Variants in WSB2 observed in about 807,000 individuals in gnomAD.
WSB2 encodes the protein WD repeat and SOCS box-containing protein 2.
Under a neutral mutation model 48.8 loss-of-function variants are expected in WSB2, and 12 were observed. That is an observed-to-expected ratio of 0.25 (90% CI 0.16 to 0.40). The LOEUF (loss-of-function observed/expected upper bound fraction) is 0.40, where lower values mean the gene tolerates loss of function less well. Ranked by LOEUF, WSB2 falls within the 10% of genes least tolerant of loss-of-function variation. WSB2 has a pLI of 1.00. For synonymous variants in WSB2, 191 were observed against 203.1 expected (o/e 0.94, Z 0.51); for missense variants, 317 against 506.2 (o/e 0.63, Z 3.59).
intron 7 of WSB2, 45 bp downstream of exon 7, chr12:118,035,169 C>A: frequency 6.2e-7 from 1 of 1,612,808 alleles, no homozygotes; most frequent in Non-Finnish European, 8.5e-7. Context: ...CCATTACTTG[C>A]AAGCACTTGT....
chr12:118,033,883 A>T lies in WSB2; in HGVS notation c.*313T>A, dbSNP rs1262446913. 1 of 331,278 alleles carries T rather than the reference A, an allele frequency of 3.0e-6. No homozygotes were observed. The highest frequency in any genetic ancestry group is 2.1e-5 in the African/African-American group (1 of 47,170). 20.5% of individuals were successfully genotyped at this position (331,278 alleles called of 1,614,324 possible). ...CCTACTTAGTTGCATAATCAAAACA[A>T]CATCAGTAACTGCACTTTGAATCAA... is the stretch of plus-strand genomic sequence containing the variant. On this transcript the variant is annotated 3_prime_UTR_variant, in exon 9 of 9. Coordinates refer to ENST00000315436, the MANE Select transcript of WSB2 (RefSeq NM_018639.5).
At chr12:118,046,325 T>C (rs939838030) in intron 2 of WSB2, among the ~76,000 whole-genome samples, 1 of 151,838 alleles carries the variant, frequency 6.6e-6, no homozygotes, top group African/African-American at 2.4e-5. Flanking sequence ...TAGCCAGGCC[T>C]GGTGGGGGGT....
rs2032052452 is a variant in WSB2, at chr12:118,060,970, C to T, written c.13+66G>A. The T allele has an allele frequency of 2.4e-6, 2 of 833,798 alleles. No homozygotes were observed. The highest frequency in any genetic ancestry group is 5.2e-5 in the South Asian group (1 of 19,056). The allele number at this position is 833,798 out of a possible 1,614,324, so 51.6% of individuals were successfully genotyped here. On this transcript the variant is annotated intron_variant, in intron 1 of 8. Transcript: ENST00000315436. The surrounding 1 kb of genome is among the most constrained non-coding windows in gnomAD (Gnocchi z 4.1). ...CCCAGCCCGCCCCGGGGTCGCCTCC[C>T]CCCTCCCCGGGGAGAACGGGCCAGG... is the stretch of plus-strand genomic sequence containing the variant.
chr12:118,052,725 G>A (rs1566142196), intron 1 of WSB2: 2 of 554,074 alleles, frequency 3.6e-6, no homozygotes, highest in Admixed American at 3.1e-5. Context: ...TGAACCCAGT[G>A]AATGGAGGCC....
intron 4 of WSB2, among the ~76,000 whole-genome samples, chr12:118,039,170 A>G (rs1394681861): frequency 6.6e-6 from 1 of 152,200 alleles, no homozygotes; most frequent in African/African-American, 2.4e-5. Context: ...CCAGATGAGC[A>G]GTGGTGTGGA....
At chr12:118,047,943 T>A (rs1459398113) in intron 2 of WSB2, among the ~76,000 whole-genome samples, 1 of 152,156 alleles carries the variant, frequency 6.6e-6, no homozygotes, top group East Asian at 1.9e-4. Context: ...TTTTGTTTTT[T>A]TAAGAGACAG....
rs1463175759 is a variant in WSB2, at chr12:118,035,418, T to C, written c.834-94A>G. The C allele has an allele frequency of 1.9e-5, 21 of 1,082,036 alleles. No individual in the cohort carries two copies. The Admixed American group carries it at 3.1e-4, about 16-fold the overall frequency. The allele number at this position is 1,082,036 out of a possible 1,614,324, so 67.0% of individuals were successfully genotyped here. ...AGGCAGGAAGCCAAACTGCCCTGGC[T>C]ACAAAAGGGCTCAAGATGCATTGTG... On this transcript the variant is annotated intron_variant, in intron 6 of 8. Coordinates refer to ENST00000315436, the MANE Select transcript of WSB2 (RefSeq NM_018639.5).
chr12:118,035,291 A>T lies in WSB2; in HGVS notation c.867T>A (p.Ser289Arg). 1 of 1,614,214 alleles carries T rather than the reference A, an allele frequency of 6.2e-7. No individual in the cohort carries two copies. Among genetic ancestry groups the T allele is most frequent in the Non-Finnish European group, 8.5e-7 (1 of 1,180,038 alleles). ...HTQVDPAMDD[S>R]DVHISSLRSV... The stretch of plus-strand genomic sequence containing the variant: ...ATCTCAGTGAGCTAATGTGGACGTC[A>T]CTGTCATCCATGGCGGGGTCAACCT... Residue 289 changes from serine (S) to arginine (R), a missense_variant, in exon 7 of 9, where the codon AGT (serine) becomes AGA (arginine). Ser to Arg is a moderately radical substitution (Grantham distance 110, BLOSUM62 -1). This residue lies in a region of WSB2 where 189 missense variants were observed against 349.6 expected (regional missense o/e 0.54). Transcript: ENST00000315436.
chr12:118,051,697 T>C (rs189191718), intron 2 of WSB2, among the ~76,000 whole-genome samples: 3 of 152,328 alleles, frequency 2.0e-5, no homozygotes, highest in Admixed American at 6.5e-5. Context: ...CCAGGCACAG[T>C]GGCTCATGGG....
At chr12:118,050,164 G>A (rs1035082692) in intron 2 of WSB2, among the ~76,000 whole-genome samples, 3 of 151,438 alleles carry the variant, frequency 2.0e-5, no homozygotes, top group Non-Finnish European at 2.9e-5. Flanking sequence ...CAGCCCGGGC[G>A]ACAGAGCGAG....
chr12:118,041,581 T>C (rs1007859249), intron 4 of WSB2, among the ~76,000 whole-genome samples: 1 of 151,930 alleles, frequency 6.6e-6, no homozygotes, highest in Non-Finnish European at 1.5e-5. Flanking sequence ...CTTCACACCA[T>C]GGGGACAAGT....
intron 2 of WSB2, among the ~76,000 whole-genome samples, chr12:118,046,180 G>A (rs968694248): frequency 3.9e-5 from 6 of 152,158 alleles, no homozygotes; most frequent in Admixed American, 2.6e-4. Flanking sequence ...GAAAAAGTTG[G>A]CCAGGTACCA....
At chr12:118,062,115 G>C (rs779543876), upstream of WSB2, 300 of 1,535,160 alleles carry the variant, frequency 2.0e-4, 1 homozygote, top group South Asian at 3.6e-4. Flanking sequence ...CGACAGCCTC[G>C]CCTGTCCCCG....
At chr12:118,054,215 TCCAAAAAA>T (rs1186893403) in intron 1 of WSB2, among the ~76,000 whole-genome samples, 9 of 22,808 alleles carry the variant, frequency 3.9e-4, no homozygotes, top group South Asian at 1.3e-3. Flanking sequence ...CTACTAAAAA[TCCAAAAAA>T]AAAAAAAAAA....
chr12:118,061,506 T>A (rs1351844024), upstream of WSB2, among the ~76,000 whole-genome samples: 1 of 123,536 alleles, frequency 8.1e-6, no homozygotes. Context: ...GGGAGGGAGG[T>A]GAACAGAGCT....
intron 1 of WSB2, among the ~76,000 whole-genome samples, chr12:118,057,904 G>A (rs889178411): frequency 3.4e-5 from 5 of 148,974 alleles, no homozygotes; most frequent in East Asian, 2.0e-4. Context: ...CTACGGGGGC[G>A]TACCACCACA....
intron 4 of WSB2, among the ~76,000 whole-genome samples, chr12:118,040,427 T>C (rs2031612408): frequency 6.6e-6 from 1 of 152,006 alleles, no homozygotes; most frequent in Non-Finnish European, 1.5e-5. Context: ...CCTGAGATGG[T>C]GGCAAGCTGC....
intron 2 of WSB2, among the ~76,000 whole-genome samples, chr12:118,049,147 T>G (rs915997657): frequency 1.3e-5 from 2 of 152,220 alleles, no homozygotes; most frequent in African/African-American, 4.8e-5. Flanking sequence ...TGAAGGTGCA[T>G]CCCTTGTATT....
chr12:118,034,241 T>C lies in WSB2; in HGVS notation c.1170A>G (p.Pro390=). Residue 390 remains proline (P), a synonymous_variant, in exon 9 of 9, where the codon CCA becomes CCG. Coordinates refer to ENST00000315436, the MANE Select transcript of WSB2 (RefSeq NM_018639.5). The part of the protein sequence containing the change: ...FLTTYQVLAL[P]IPKKMKEFLT... Reference sequence around the variant, plus strand: ...GGAACTCTTTCATTTTCTTGGGGATTGGCAGTGCTAGGACTTGGTAAGTTG... The same window carrying C: ...GGAACTCTTTCATTTTCTTGGGGATCGGCAGTGCTAGGACTTGGTAAGTTG... The C allele has an allele frequency of 6.2e-7, 1 of 1,614,236 alleles. No individual in the cohort carries two copies. Among genetic ancestry groups the C allele is most frequent in the Non-Finnish European group, 8.5e-7 (1 of 1,180,032 alleles).
Sources: allele counts gnomAD v4.1 joint callset (sites outside exome capture counted in the v4.1 genomes callset), GRCh38; gene constraint gnomAD v4.1.1; regional missense constraint gnomAD v4.1.1; non-coding constraint Gnocchi (gnomAD v3.1); transcripts MANE v1.5; gene names NCBI Gene and HGNC (gene_info 2026-07-23, HGNC 2026-07-21).